SORBS2: variants seen among roughly 807,000 people sequenced by gnomAD.
The protein encoded by SORBS2 is sorbin and SH3 domain containing 2, also known as sorbin and SH3 domain-containing protein 2.
SORBS2 carries 46 observed loss-of-function variants against 97.7 expected under a neutral mutation model. The ratio of observed to expected loss-of-function variants is 0.47; its 90% CI spans 0.37 to 0.60. The LOEUF (loss-of-function observed/expected upper bound fraction) is 0.60, where lower values mean the gene tolerates loss of function less well. Ranked by LOEUF, SORBS2 falls within the 20% of genes least tolerant of loss-of-function variation. The pLI, the probability that SORBS2 is intolerant of heterozygous loss-of-function variation, is 0.00. For synonymous variants in SORBS2, 476 were observed against 473.4 expected, an observed-to-expected ratio of 1.01 and a Z score of -0.07; for missense variants, 1,316 against 1,282.3, an observed-to-expected ratio of 1.03 and a Z score of -0.40.
chr4:185,707,675 G>C (rs2098364702), intron 2 of SORBS2, among the ~76,000 whole-genome samples: 1 of 152,154 alleles, frequency 6.6e-6, no homozygotes, highest in Non-Finnish European at 1.5e-5. Flanking sequence ...ATAAAGGAAA[G>C]AGATTTAATT....
At chr4:185,908,580 G>A (rs956568751) in intron 1 of SORBS2, among the ~76,000 whole-genome samples, 1 of 151,754 alleles carries the variant, frequency 6.6e-6, no homozygotes, top group African/African-American at 2.4e-5. Context: ...TCAGAGAAGC[G>A]CTCAAAGGGA....
chr4:185,888,714 C>A (rs1056613260), intron 1 of SORBS2, among the ~76,000 whole-genome samples: 2 of 152,202 alleles, frequency 1.3e-5, no homozygotes, highest in Non-Finnish European at 2.9e-5. Flanking sequence ...TGCTTCCAGG[C>A]TTAGCTTCAC....
intron 1 of SORBS2, among the ~76,000 whole-genome samples, chr4:185,800,706 A>G (rs1172143360): frequency 6.6e-6 from 1 of 151,802 alleles, no homozygotes; most frequent in Non-Finnish European, 1.5e-5. Flanking sequence ...GGCCCCCTCC[A>G]TCCTTTTATT....
chr4:185,617,088 C>T (rs1329156986), intron 9 of SORBS2, among the ~76,000 whole-genome samples: 1 of 152,196 alleles, frequency 6.6e-6, no homozygotes, highest in Non-Finnish European at 1.5e-5. Flanking sequence ...CCTCGTGAGC[C>T]TTGGGTGGAC....
chr4:185,625,958 CA>C (rs1266480706), intron 6 of SORBS2, among the ~76,000 whole-genome samples: 2 of 152,228 alleles, frequency 1.3e-5, no homozygotes, highest in African/African-American at 4.8e-5. Context: ...TTACACATTT[CA>C]AAATCTCTTT....
chr4:185,853,176 T>A (rs2099218878), intron 1 of SORBS2, among the ~76,000 whole-genome samples: 1 of 152,220 alleles, frequency 6.6e-6, no homozygotes, highest in Non-Finnish European at 1.5e-5. Context: ...TGATAATATA[T>A]GCTTGGAGTT....
chr4:185,779,079 C>T (rs761529144), intron 1 of SORBS2, among the ~76,000 whole-genome samples: 5 of 152,212 alleles, frequency 3.3e-5, no homozygotes, highest in Admixed American at 1.3e-4. Flanking sequence ...TCTGGGCTCA[C>T]GCTGGTAACA....
intron 2 of SORBS2, among the ~76,000 whole-genome samples, chr4:185,682,738 T>C (rs2097889678): frequency 6.6e-6 from 1 of 152,084 alleles, no homozygotes; most frequent in Non-Finnish European, 1.5e-5. Flanking sequence ...GGGCCAGGTG[T>C]AGTGGCTCAG....
chr4:185,653,142 A>G (rs751377543), intron 1 of SORBS2, among the ~76,000 whole-genome samples: 5 of 152,240 alleles, frequency 3.3e-5, no homozygotes, highest in Admixed American at 6.5e-5. Context: ...CAGTGTTTTC[A>G]GAATTAACTG....
intron 1 of SORBS2, among the ~76,000 whole-genome samples, chr4:185,786,950 A>T (rs1162610067): frequency 3.0e-4 from 30 of 99,918 alleles, no homozygotes; most frequent in Non-Finnish European, 2.4e-4. Context: ...ATGTTCATCC[A>T]TTTTTTTTTT....
intron 6 of SORBS2, among the ~76,000 whole-genome samples, chr4:185,626,436 C>T (rs2153427361): frequency 6.6e-6 from 1 of 152,300 alleles, no homozygotes; most frequent in East Asian, 1.9e-4. Flanking sequence ...CAACAATTTG[C>T]TCTGTTGCTG....
At chr4:185,683,535 G>A (rs921057399) in intron 2 of SORBS2, among the ~76,000 whole-genome samples, 3 of 152,076 alleles carry the variant, frequency 2.0e-5, no homozygotes, top group Non-Finnish European at 4.4e-5. Context: ...AAATACATCT[G>A]TAGTTTTTCT....
At chr4:185,955,850 C>G (rs925632984) in intron 1 of SORBS2, among the ~76,000 whole-genome samples, 1 of 151,868 alleles carries the variant, frequency 6.6e-6, no homozygotes, top group Non-Finnish European at 1.5e-5. Flanking sequence ...ACTAGACCCT[C>G]CACCCCCACC....
Position 185,854,726 on chromosome 4 carries a change from A to G in SORBS2, c.-337-79360T>C, listed in dbSNP as rs554638790. Among the ~76,000 whole-genome samples the G allele has an allele frequency of 8.5e-4, 129 of 152,216 alleles. No individual in the cohort carries two copies. In the Middle Eastern group the frequency reaches 0.014, roughly 16 times the overall value. On this transcript the variant is annotated intron_variant, in intron 1 of 20. Coordinates refer to the SORBS2 transcript ENST00000284776. The stretch of plus-strand genomic sequence containing the variant: ...GATGCCCAACTAGCAATTCTTGTGG[A>G]GGCTACAGAAATCCCCACAAGAAAG...
intron 5 of SORBS2, among the ~76,000 whole-genome samples, chr4:185,630,302 A>G (rs1233958380): frequency 6.6e-6 from 1 of 152,100 alleles, no homozygotes; most frequent in Non-Finnish European, 1.5e-5. Context: ...GGTATAGGGG[A>G]CTAAGGGAAG....
At chr4:185,817,616 A>C (rs571984495) in intron 1 of SORBS2, among the ~76,000 whole-genome samples, 7 of 152,274 alleles carry the variant, frequency 4.6e-5, no homozygotes, top group African/African-American at 1.7e-4. Context: ...AGTGCAGAAA[A>C]AGCACTGGGC....
At chr4:185,752,313 T>C (rs1481951976) in intron 2 of SORBS2, among the ~76,000 whole-genome samples, 1 of 152,182 alleles carries the variant, frequency 6.6e-6, no homozygotes, top group Non-Finnish European at 1.5e-5. Context: ...TCTCGCTCTG[T>C]CGCCCAGGCT....
chr4:185,894,736 A>G (rs763771572), intron 1 of SORBS2, among the ~76,000 whole-genome samples: 11 of 152,178 alleles, frequency 7.2e-5, no homozygotes, highest in Non-Finnish European at 1.3e-4. Context: ...GAGAGCTGCC[A>G]CCTCAGTCCC....
intron 2 of SORBS2, 137 bp downstream of exon 10, chr4:185,652,524 AG>A (rs1232282146): frequency 1.4e-6 from 1 of 708,856 alleles, no homozygotes; most frequent in Admixed American, 2.1e-5. Context: ...GAAGGAGAAC[AG>A]GAGGCATGCT....
Sources: gnomAD v4.1 joint callset for allele counts (sites outside exome capture counted in the v4.1 genomes callset) on GRCh38, gnomAD v4.1.1 for gene constraint, MANE v1.5 for transcripts, NCBI Gene and HGNC (gene_info 2026-07-23, HGNC 2026-07-21) for gene names.